ACCSL: variants seen among roughly 807,000 people sequenced by gnomAD.
The protein encoded by ACCSL is 1-aminocyclopropane-1-carboxylate synthase homolog (inactive) like.
A neutral mutation model predicts 61.7 loss-of-function variants in ACCSL; 55 were observed. The observed-to-expected ratio is 0.89, with a 90% CI of 0.72 to 1.12. The LOEUF is 1.12. ACCSL is among the 50% of genes most tolerant of loss of function. The pLI, the probability that ACCSL is intolerant of heterozygous loss-of-function variation, is 0.00. For missense variants in ACCSL, 632 were observed against 698.0 expected (o/e 0.91, Z 1.07); for synonymous variants, 258 against 264.3 (o/e 0.98, Z 0.23).
the ACCSL span, among the ~76,000 whole-genome samples, chr11:43,991,287 A>T: frequency 6.6e-6 from 1 of 152,148 alleles, no homozygotes; most frequent in Non-Finnish European, 1.5e-5. Context: ...CAACTTCCTA[A>T]TCTCTTGCAG....
At chr11:43,975,730 G>A in the ACCSL span, among the ~76,000 whole-genome samples, 51,232 of 151,938 alleles carry the variant, frequency 0.34, 10,723 homozygotes, top group East Asian at 0.61. Flanking sequence ...AATAAAAGAA[G>A]CATTTGGGCT....
intron 9 of ACCSL, 79 bp from the exon 10 acceptor site, chr11:44,055,961 C>A: frequency 4.5e-6 from 7 of 1,552,198 alleles, no homozygotes; most frequent in African/African-American, 1.4e-5. Flanking sequence ...AACCTCAAAT[C>A]TACTTTCCCC....
intron 13 of ACCSL, among the ~76,000 whole-genome samples, chr11:44,059,056 C>G (rs1565160889): frequency 6.6e-6 from 1 of 152,058 alleles, no homozygotes. Context: ...GCCTGGCCAG[C>G]ATGGTAAAAC....
At chr11:44,000,295 T>C in the ACCSL span, among the ~76,000 whole-genome samples, 1 of 152,136 alleles carries the variant, frequency 6.6e-6, no homozygotes, top group Non-Finnish European at 1.5e-5. Flanking sequence ...CAGCTAATTT[T>C]TGTATTTTTA....
the ACCSL span, among the ~76,000 whole-genome samples, chr11:44,025,012 C>T: frequency 6.6e-6 from 1 of 152,076 alleles, no homozygotes; most frequent in African/African-American, 2.4e-5. Flanking sequence ...TTCCAGCTCT[C>T]TTTTAGGCAC....
intron 9 of ACCSL, among the ~76,000 whole-genome samples, chr11:44,055,611 G>C (rs1952666461): frequency 6.6e-6 from 1 of 152,212 alleles, no homozygotes. Flanking sequence ...CCTTCTGAAG[G>C]GTAGTATCTG....
chr11:44,028,027 G>T, the ACCSL span, among the ~76,000 whole-genome samples: 1 of 152,042 alleles, frequency 6.6e-6, no homozygotes, highest in Admixed American at 6.6e-5. Flanking sequence ...AATTATCTGG[G>T]CATGGTAGCA....
At chr11:43,951,805 A>C in the ACCSL span, among the ~76,000 whole-genome samples, 7 of 152,314 alleles carry the variant, frequency 4.6e-5, no homozygotes, top group Non-Finnish European at 1.0e-4. Flanking sequence ...GTTCGAGACC[A>C]GCCTGGCCAA....
chr11:44,050,623 G>A lies in ACCSL; in HGVS notation c.635+1G>A, dbSNP rs1952631087. On this transcript the variant is annotated splice_donor_variant, in intron 3 of 13. Transcript: ENST00000378832. LOFTEE classifies it high-confidence loss of function. The stretch of plus-strand genomic sequence containing the variant: ...ACCCTGATTGGAGAGGGCAGCCATT[G>A]TAAGTGACCTTCAGATTTAGAGTCT... The A allele has an allele frequency of 2.5e-6, 4 of 1,613,846 alleles. No homozygotes were observed. The East Asian group carries it at 8.9e-5, about 36-fold the overall frequency.
At chr11:43,986,171 C>T in the ACCSL span, among the ~76,000 whole-genome samples, 1 of 151,946 alleles carries the variant, frequency 6.6e-6, no homozygotes, top group African/African-American at 2.4e-5. Context: ...TCATTTCCAC[C>T]ACCTAAAAGC....
chr11:43,939,521 C>CG, the ACCSL span, among the ~76,000 whole-genome samples: 1 of 151,910 alleles, frequency 6.6e-6, no homozygotes, highest in Non-Finnish European at 1.5e-5. Flanking sequence ...AACGGCCCCC[C>CG]CTCCCCACCC....
At chr11:43,953,520 C>CA in the ACCSL span, among the ~76,000 whole-genome samples, 4,528 of 74,938 alleles carry the variant, frequency 0.06, 248 homozygotes, top group South Asian at 0.2. Context: ...GACTCTGACT[C>CA]AAAAAAAAAA....
the ACCSL span, among the ~76,000 whole-genome samples, chr11:43,952,139 C>T: frequency 6.6e-6 from 1 of 150,784 alleles, no homozygotes; most frequent in African/African-American, 2.4e-5. Flanking sequence ...TTGCGTGTCT[C>T]AGGGGTTTGG....
At chr11:43,954,904 G>A in the ACCSL span, among the ~76,000 whole-genome samples, 1 of 152,096 alleles carries the variant, frequency 6.6e-6, no homozygotes, top group Non-Finnish European at 1.5e-5. Context: ...TACTGTACAT[G>A]TGGTGACAAA....
chr11:44,003,921 C>T, the ACCSL span, among the ~76,000 whole-genome samples: 6 of 152,182 alleles, frequency 3.9e-5, no homozygotes, highest in African/African-American at 1.4e-4. Flanking sequence ...CAGGCCCTCA[C>T]CCTCTGGCAG....
chr11:43,976,700 T>A, the ACCSL span, among the ~76,000 whole-genome samples: 1 of 152,170 alleles, frequency 6.6e-6, no homozygotes, highest in East Asian at 1.9e-4. Flanking sequence ...CATCTGTAGA[T>A]GTTTTCCTGG....
the ACCSL span, among the ~76,000 whole-genome samples, chr11:43,967,517 C>T: frequency 8.6e-5 from 13 of 152,044 alleles, no homozygotes; most frequent in Non-Finnish European, 1.3e-4. Context: ...CCCCCATAGT[C>T]TTTCTCTCCC....
At chr11:43,942,896 G>C in the ACCSL span, 387 of 1,357,654 alleles carry the variant, frequency 2.9e-4, no homozygotes, top group Non-Finnish European at 3.5e-4. Flanking sequence ...CGCAGACGCC[G>C]GAGGCGCCAT....
the ACCSL span, among the ~76,000 whole-genome samples, chr11:44,020,130 T>C: frequency 2.0e-5 from 3 of 152,258 alleles, no homozygotes; most frequent in Non-Finnish European, 4.4e-5. Flanking sequence ...CTTATTCTAG[T>C]ACCATATGGT....
Sources: allele counts gnomAD v4.1 joint callset (sites outside exome capture counted in the v4.1 genomes callset), GRCh38; gene constraint gnomAD v4.1.1; transcripts MANE v1.5; gene names NCBI Gene and HGNC (gene_info 2026-07-23, HGNC 2026-07-21).